Variants in DNAH6 observed in about 807,000 individuals in gnomAD.
DNAH6 encodes the protein dynein axonemal heavy chain 6, also known as axonemal beta dynein heavy chain 6.
Under a neutral mutation model 491.4 loss-of-function variants are expected in DNAH6, and 340 were observed. The ratio of observed to expected loss-of-function variants is 0.69; its 90% CI spans 0.63 to 0.76. The LOEUF (loss-of-function observed/expected upper bound fraction) is 0.76. DNAH6 is among the 30% of genes least tolerant of loss of function. The pLI, the probability that DNAH6 is intolerant of heterozygous loss-of-function variation, is 0.00. For synonymous variants in DNAH6, 1,603 were observed against 1,686.1 expected (o/e 0.95, Z 1.21); for missense variants, 4,443 against 4,972.2 (o/e 0.89, Z 3.20).
intron 70 of DNAH6, among the ~76,000 whole-genome samples, chr2:84,799,064 T>C (rs973322284): frequency 1.3e-5 from 2 of 151,078 alleles, no homozygotes; most frequent in African/African-American, 4.9e-5. Flanking sequence ...CTCAGCTCAC[T>C]GCAACCTCCA....
intron 12 of DNAH6, 102 bp downstream of exon 12, chr2:84,573,689 C>A: frequency 9.7e-7 from 1 of 1,029,226 alleles, no homozygotes; most frequent in Non-Finnish European, 1.4e-6. Context: ...CAAATGGTAG[C>A]CCAAAAGAGT....
chr2:84,601,199 G>C (rs574606183), intron 18 of DNAH6, among the ~76,000 whole-genome samples: 2 of 148,158 alleles, frequency 1.3e-5, no homozygotes, highest in African/African-American at 4.9e-5. Context: ...TATCAAAAGG[G>C]CAAGGAAGAC....
At chr2:84,505,378 T>C in the DNAH6 span, among the ~76,000 whole-genome samples, 4 of 152,184 alleles carry the variant, frequency 2.6e-5, no homozygotes, top group Non-Finnish European at 4.4e-5. Context: ...GAAATTTCAG[T>C]ACAATATCAA....
In DNAH6 at chr2:84,813,137, G is replaced by A. The variant is rs1026756652; in HGVS notation, c.11998+7G>A. 4 of 1,549,222 alleles carry A rather than the reference G, an allele frequency of 2.6e-6. No individual in the cohort carries two copies. The African/African-American group carries it at 4.1e-5, about 16-fold the overall frequency. ...CCTCAAGGATTTCTAACAGGTACCA[G>A]CGCTTTCTAGAAAAACCCCATAGGA... On this transcript the variant is annotated splice_region_variant and intron_variant, in intron 74 of 76. Transcript: ENST00000389394.
chr2:84,631,607 C>A (rs571992312), intron 29 of DNAH6, among the ~76,000 whole-genome samples: 7 of 152,190 alleles, frequency 4.6e-5, no homozygotes, highest in African/African-American at 1.4e-4. Context: ...AGAGAGAAGG[C>A]AGCCAAGTGA....
rs1220109615 is a variant in DNAH6, at chr2:84,710,204, C to G, written c.9253-83C>G. Reference sequence around the variant, plus strand: ...TTTGTTTCTAGATTGAATAACATTTCCACACTTTCTTCTAAAGCTTTCGCT... The same window carrying G: ...TTTGTTTCTAGATTGAATAACATTTGCACACTTTCTTCTAAAGCTTTCGCT... On this transcript the variant is annotated intron_variant, in intron 55 of 76. Transcript: ENST00000389394. 3 of 1,479,480 alleles carry G rather than the reference C, an allele frequency of 2.0e-6. No homozygotes were observed. In the African/African-American group the frequency reaches 4.3e-5, roughly 21 times the overall value. The allele number at this position is 1,479,480 out of a possible 1,614,324, so 91.6% of individuals were successfully genotyped here. A position where few individuals can be genotyped will look rare whatever the true frequency, so the allele number is the denominator to read the frequency against.
intron 23 of DNAH6, 118 bp downstream of exon 23, chr2:84,617,100 C>A: frequency 1.7e-6 from 1 of 571,920 alleles, no homozygotes; most frequent in Non-Finnish European, 3.0e-6. Context: ...AAAAGATCTA[C>A]GATAATGAAA....
chr2:84,707,742 A>G (rs1252680428), intron 54 of DNAH6, 26 bp downstream of exon 54: 11 of 1,536,598 alleles, frequency 7.2e-6, no homozygotes, highest in Non-Finnish European at 9.7e-6. Context: ...TTCTGTAAGG[A>G]GGGGTAAGAA....
At position 84,801,610 on chromosome 2, in the gene DNAH6, G is replaced by A. The variant is rs149020374; in HGVS notation, c.11481+3952G>A. Reference sequence around the variant, plus strand: ...AAGAAAAGAAATTCCTGGGCCAGGCGCAGTGGCTCATGCCTGTAATCCTAA... The same window carrying A: ...AAGAAAAGAAATTCCTGGGCCAGGCACAGTGGCTCATGCCTGTAATCCTAA... On this transcript the variant is annotated intron_variant, in intron 70 of 76. Transcript: ENST00000389394. 5.8e-3 allele frequency among the ~76,000 whole-genome samples: 882 copies of A among 152,250 alleles called. 8 individuals are homozygous for A. Among genetic ancestry groups the A allele is most frequent in the African/African-American group, 0.018 (752 of 41,546 alleles).
chr2:84,749,141 C>T (rs1673227211), intron 63 of DNAH6, among the ~76,000 whole-genome samples: 1 of 152,200 alleles, frequency 6.6e-6, no homozygotes, highest in African/African-American at 2.4e-5. Flanking sequence ...TATTGGGAAT[C>T]ATATTTCAAC....
At chr2:84,577,697 A>G (rs1682597524) in intron 13 of DNAH6, among the ~76,000 whole-genome samples, 1 of 152,118 alleles carries the variant, frequency 6.6e-6, no homozygotes, top group African/African-American at 2.4e-5. Context: ...GGATACTACC[A>G]TAACAGCTCA....
chr2:84,763,066 A>C (rs147176640), intron 64 of DNAH6, 121 bp downstream of exon 64: 2 of 726,302 alleles, frequency 2.8e-6, no homozygotes, highest in African/African-American at 3.6e-5. Flanking sequence ...CACTTACTAC[A>C]TAAATTTAAG....
At chr2:84,573,390 C>A (rs1682090364) in intron 11 of DNAH6, 77 bp from the exon 12 acceptor site, 1 of 1,258,214 alleles carries the variant, frequency 7.9e-7, no homozygotes, top group Non-Finnish European at 1.1e-6. Flanking sequence ...TTGCTTGTTT[C>A]TTTGTTTAGT....
the DNAH6 span, among the ~76,000 whole-genome samples, chr2:84,465,992 C>A: frequency 1.3e-5 from 2 of 152,210 alleles, no homozygotes; most frequent in African/African-American, 4.8e-5. Context: ...ATGGAACTCT[C>A]TTCCATAGAA....
chr2:84,761,775 T>TACAC (rs1203133240), intron 63 of DNAH6, among the ~76,000 whole-genome samples: 12 of 123,546 alleles, frequency 9.7e-5, no homozygotes, highest in Non-Finnish European at 1.9e-4. Flanking sequence ...CAGCATTACA[T>TACAC]ACACACACAC....
intron 68 of DNAH6, among the ~76,000 whole-genome samples, chr2:84,793,808 A>T (rs148845670): frequency 6.6e-6 from 1 of 152,318 alleles, no homozygotes; most frequent in African/African-American, 2.4e-5. Flanking sequence ...CTCCAACAGG[A>T]GAGGGAAGAC....
intron 75 of DNAH6, 140 bp downstream of exon 75, chr2:84,814,262 A>C: frequency 2.5e-6 from 2 of 792,044 alleles, no homozygotes; most frequent in Non-Finnish European, 2.0e-6. Flanking sequence ...CACACCTCCA[A>C]GATAAGCTCC....
intron 34 of DNAH6, 106 bp from the exon 35 acceptor site, chr2:84,654,554 G>T: frequency 7.1e-7 from 1 of 1,417,670 alleles, no homozygotes; most frequent in South Asian, 1.4e-5. Flanking sequence ...CTTCAGTGTT[G>T]TTAGACTTTA....
rs1280309394 is a variant in DNAH6 at position 84,543,456 on chromosome 2, C to CATATTTCCT, written c.663-777_663-776insATATTTCCT. On this transcript the variant is annotated intron_variant, in intron 4 of 76. Transcript: ENST00000389394. ...TTCCTAAATATATTTCAATAAGGTG[C>CATATTTCCT]TATATCATATTTCACACTTGTTCTA... Among the ~76,000 whole-genome samples, 4 of 152,228 alleles carry CATATTTCCT rather than the reference C, an allele frequency of 2.6e-5. No individual in the cohort carries two copies. The East Asian group carries it at 5.8e-4, about 22-fold the overall frequency.
Sources: allele counts gnomAD v4.1 joint callset (sites outside exome capture counted in the v4.1 genomes callset), GRCh38; gene constraint gnomAD v4.1.1; transcripts MANE v1.5; gene names NCBI Gene and HGNC (gene_info 2026-07-23, HGNC 2026-07-21).